The following SOX6 variants were observed in gnomAD, a reference collection of about 807,000 sequenced individuals.
SOX6 encodes transcription factor SOX-6.
Under a neutral mutation model 97.8 loss-of-function variants are expected in SOX6, and 11 were observed. That is an observed-to-expected ratio of 0.11 (90% CI 0.07 to 0.19). The LOEUF (loss-of-function observed/expected upper bound fraction) is 0.19. Among genes scored for constraint, SOX6 ranks in the 10% least tolerant of loss-of-function variants. The probability of loss-of-function intolerance (pLI) is 1.00; values close to 1 mark genes in which losing one functional copy is unlikely to be tolerated. For synonymous variants in SOX6, 360 were observed against 371.4 expected (o/e 0.97, Z 0.35); for missense variants, 810 against 1,039.5 (o/e 0.78, Z 3.04).
chr11:16,133,662 GGTTTTGTTTT>G (rs113326765), intron 6 of SOX6, among the ~76,000 whole-genome samples: 412 of 151,338 alleles, frequency 2.7e-3, no homozygotes, highest in Admixed American at 6.3e-3. Context: ...TTATTATACA[GGTTTTGTTTT>G]GTTTTGTTTT....
At position 16,585,681 on chromosome 11, in the gene SOX6, C is replaced by CTTTTTT. The variant is rs35531411; in HGVS notation, n.609+26394_609+26399dup. On this transcript the variant is annotated intron_variant and non_coding_transcript_variant, in intron 4 of 5. Coordinates refer to the SOX6 transcript ENST00000524520. ...TCAACGGAGAATTTTTTTTTTTTTA[C>CTTTTTT]TTTTTTTTTTTTTTTTTTTGAGACA... Among the ~76,000 whole-genome samples the CTTTTTT allele has an allele frequency of 5.5e-5, 6 of 108,338 alleles. 1 individual carries two copies. The highest frequency in any genetic ancestry group is 1.1e-4 in the Non-Finnish European group (6 of 56,782). 71.1% of individuals were successfully genotyped at this position (108,338 alleles called of 152,430 possible).
chr11:16,062,395 T>C (rs79117020), intron 9 of SOX6, among the ~76,000 whole-genome samples: 1 of 151,700 alleles, frequency 6.6e-6, no homozygotes, highest in Non-Finnish European at 1.5e-5. Flanking sequence ...TACAAAAATG[T>C]CATTCCACAT....
chr11:16,723,823 C>G (rs923548861), intron 2 of SOX6, among the ~76,000 whole-genome samples: 1 of 151,958 alleles, frequency 6.6e-6, no homozygotes, highest in African/African-American at 2.4e-5. Context: ...CTCGATTTTT[C>G]CCCTTTCCCC....
intron 1 of SOX6, among the ~76,000 whole-genome samples, chr11:16,425,983 G>A (rs988568075): frequency 1.3e-5 from 2 of 151,584 alleles, no homozygotes; most frequent in Non-Finnish European, 2.9e-5. Context: ...AAGGCTGGGC[G>A]CAGTGGCTCT....
intron 1 of SOX6, among the ~76,000 whole-genome samples, chr11:16,473,578 A>T (rs1590216506): frequency 6.9e-6 from 1 of 144,332 alleles, no homozygotes; most frequent in Non-Finnish European, 1.5e-5. Context: ...TTGAGATGGA[A>T]TCTTGCTCTG....
rs1329040158 is a variant in SOX6, at chr11:16,127,696, GTTGGAACATATATGCCAC to G, written c.778-15791_778-15774del. 2.0e-5 allele frequency among the ~76,000 whole-genome samples: 3 copies of G among 152,168 alleles called. No homozygotes were observed. In the East Asian group the frequency reaches 5.8e-4, roughly 29 times the overall value. ...GGAAAGTGAGAAAATAATATTCCAAGTTGGAACATATATGCCACTTGGAACTCTGAGTTAGTCTTAAAA... is the reference window on the plus strand; with the variant it reads ...GGAAAGTGAGAAAATAATATTCCAAGTTGGAACTCTGAGTTAGTCTTAAAA... On this transcript the variant is annotated intron_variant, in intron 6 of 15. Coordinates refer to ENST00000683767, the MANE Select transcript of SOX6 (RefSeq NM_001367873.1).
At chr11:16,051,345 G>T (rs1847680581) in intron 10 of SOX6, among the ~76,000 whole-genome samples, 1 of 152,072 alleles carries the variant, frequency 6.6e-6, no homozygotes, top group Non-Finnish European at 1.5e-5. Context: ...ACGGGGGAAA[G>T]AATTTAAATT....
rs193191185 is a variant in SOX6, at chr11:16,020,684, T to C, written c.1624-5634A>G. Among the ~76,000 whole-genome samples, 120 of 152,292 alleles carry C rather than the reference T, an allele frequency of 7.9e-4. 1 individual carries two copies. Among genetic ancestry groups the C allele is most frequent in the African/African-American group, 2.7e-3 (111 of 41,574 alleles). ...TTTTCCATGAACTCTATAAACTCTC[T>C]GATCTACCTACTCTCTGCTATACAA... is the stretch of plus-strand genomic sequence containing the variant. On this transcript the variant is annotated intron_variant, in intron 12 of 15. Coordinates refer to ENST00000683767, the MANE Select transcript of SOX6 (RefSeq NM_001367873.1).
In SOX6 at chr11:16,234,562, C is replaced by A. The variant is rs374654581; in HGVS notation, c.535+20G>T. On this transcript the variant is annotated intron_variant, in intron 4 of 15. Transcript: ENST00000683767. ...CATCACATCACTGCATTGACATGTTCGATATATTTTATGTTGTACCTTTAA... is the reference window on the plus strand; with the variant it reads ...CATCACATCACTGCATTGACATGTTAGATATATTTTATGTTGTACCTTTAA... 6 of 1,378,496 alleles carry A rather than the reference C, an allele frequency of 4.4e-6. No homozygotes were observed. The highest frequency in any genetic ancestry group is 2.4e-5 in the South Asian group (2 of 83,664). 85.4% of individuals were successfully genotyped at this position (1,378,496 alleles called of 1,614,324 possible).
chr11:16,479,861 T>G (rs926614705), upstream of SOX6, among the ~76,000 whole-genome samples: 1 of 152,118 alleles, frequency 6.6e-6, no homozygotes. Context: ...CTTTCAAAAA[T>G]TATCTTAAAG....
intron 13 of SOX6, among the ~76,000 whole-genome samples, chr11:16,000,944 C>T (rs933141644): frequency 6.6e-6 from 1 of 152,118 alleles, no homozygotes; most frequent in African/African-American, 2.4e-5. Context: ...GCAACCTCTG[C>T]CTCCTGGATT....
chr11:16,052,743 T>C (rs1306980392), intron 10 of SOX6, among the ~76,000 whole-genome samples: 1 of 152,180 alleles, frequency 6.6e-6, no homozygotes, highest in Non-Finnish European at 1.5e-5. Flanking sequence ...CAGAACAATT[T>C]GATCCTTTTC....
chr11:16,186,240 A>C (rs2134105529), intron 5 of SOX6, among the ~76,000 whole-genome samples: 1 of 152,290 alleles, frequency 6.6e-6, no homozygotes, highest in African/African-American at 2.4e-5. Flanking sequence ...TATCATCCAA[A>C]CCAAGAAAAC....
intron 2 of SOX6, among the ~76,000 whole-genome samples, chr11:16,725,518 T>A (rs566383735): frequency 6.7e-6 from 1 of 149,466 alleles, no homozygotes; most frequent in Non-Finnish European, 1.5e-5. Flanking sequence ...AGAAAAAAAA[T>A]GCTAAGTGAA....
intron 4 of SOX6, among the ~76,000 whole-genome samples, chr11:16,227,893 A>T (rs1852730740): frequency 6.6e-6 from 1 of 152,142 alleles, no homozygotes; most frequent in Admixed American, 6.6e-5. Flanking sequence ...GTAACAATAG[A>T]TCTCTTAAAA....
chr11:16,479,332 C>G (rs943466597), upstream of SOX6, among the ~76,000 whole-genome samples: 2 of 152,082 alleles, frequency 1.3e-5, no homozygotes, highest in Non-Finnish European at 2.9e-5. Flanking sequence ...GAGTTTGATA[C>G]CAGCCTGGCC....
intron 1 of SOX6, among the ~76,000 whole-genome samples, chr11:16,445,093 C>A (rs1859585498): frequency 6.6e-6 from 1 of 152,140 alleles, no homozygotes; most frequent in Non-Finnish European, 1.5e-5. Flanking sequence ...ACCTTGATAG[C>A]ATTATATGAT....
At chr11:16,490,757 T>G (rs1204515246) in intron 4 of SOX6, among the ~76,000 whole-genome samples, 1 of 152,058 alleles carries the variant, frequency 6.6e-6, no homozygotes, top group Non-Finnish European at 1.5e-5. Context: ...AAGTAAAAAT[T>G]TTAAAATATT....
intron 3 of SOX6, among the ~76,000 whole-genome samples, chr11:16,679,767 G>T (rs1847912429): frequency 6.6e-6 from 1 of 152,144 alleles, no homozygotes; most frequent in Non-Finnish European, 1.5e-5. Flanking sequence ...GACCTTAAAT[G>T]ACCTGATGGA....
Sources: gnomAD v4.1 joint callset for allele counts (sites outside exome capture counted in the v4.1 genomes callset) on GRCh38, gnomAD v4.1.1 for gene constraint, MANE v1.5 for transcripts, NCBI Gene and HGNC (gene_info 2026-07-23, HGNC 2026-07-21) for gene names.